CDC73: variants seen among roughly 807,000 people sequenced by gnomAD.
CDC73 encodes the protein cell division cycle 73.
CDC73 carries 21 observed loss-of-function variants against 83.7 expected under a neutral mutation model. The ratio of observed to expected loss-of-function variants is 0.25; its 90% confidence interval spans 0.18 to 0.36. The LOEUF is 0.36. Among genes scored for constraint, CDC73 ranks in the 10% least tolerant of loss-of-function variants. CDC73 has a pLI of 1.00. For synonymous variants in CDC73, 224 were observed against 212.9 expected (o/e 1.05, Z -0.45); for missense variants, 342 against 653.3 (o/e 0.52, Z 5.19).
intron 15 of CDC73, among the ~76,000 whole-genome samples, chr1:193,241,086 T>A (rs1304194892): frequency 6.6e-6 from 1 of 152,218 alleles, no homozygotes; most frequent in African/African-American, 2.4e-5. Flanking sequence ...TTTCTTACTT[T>A]TTCTGTTTCT....
Position 193,251,107 on chromosome 1 carries a change from G to T in CDC73, c.*395G>T. ...TACTGAAAATACTATGTTATGAATG[G>T]TATTAAATTTTAGTCTCTGGAACAT... On this transcript the variant is annotated 3_prime_UTR_variant, in exon 17 of 17. Transcript: ENST00000367435. The T allele has an allele frequency of 3.8e-6, 1 of 259,848 alleles. No homozygotes were observed. Among genetic ancestry groups the T allele is most frequent in the Non-Finnish European group, 7.5e-6 (1 of 134,212 alleles). The allele number at this position is 259,848 out of a possible 1,614,324, so 16.1% of individuals were successfully genotyped here. A position where few individuals can be genotyped will look rare whatever the true frequency, so the allele number is the denominator to read the frequency against.
chr1:193,134,349 CAGTAG>C (rs1675750119), intron 3 of CDC73, among the ~76,000 whole-genome samples: 2 of 152,020 alleles, frequency 1.3e-5, no homozygotes, highest in African/African-American at 2.4e-5. Context: ...TTAGGCCATA[CAGTAG>C]AGTACTCAGT....
chr1:193,169,778 A>G (rs1676489753), intron 10 of CDC73, among the ~76,000 whole-genome samples: 1 of 151,814 alleles, frequency 6.6e-6, no homozygotes, highest in Non-Finnish European at 1.5e-5. Context: ...TCTTAGTGTG[A>G]TCCCTTTTGT....
intron 13 of CDC73, among the ~76,000 whole-genome samples, chr1:193,219,312 C>T (rs984283923): frequency 2.0e-5 from 3 of 152,120 alleles, no homozygotes; most frequent in African/African-American, 7.2e-5. Flanking sequence ...TTTAGTTCAG[C>T]CACCATGGAA....
At chr1:193,249,922 G>C (rs2102073753) in intron 16 of CDC73, 51 bp downstream of exon 16, 1 of 1,584,132 alleles carries the variant, frequency 6.3e-7, no homozygotes, top group Middle Eastern at 1.7e-4. Flanking sequence ...TAATTTTTCT[G>C]TCTCAGTTAA....
chr1:193,142,538 T>A (rs1675923711), intron 7 of CDC73, among the ~76,000 whole-genome samples: 1 of 152,156 alleles, frequency 6.6e-6, no homozygotes, highest in South Asian at 2.1e-4. Flanking sequence ...ATTAGCTCCC[T>A]ATTAATGGAA....
chr1:193,132,031 T>C (rs762795571), intron 3 of CDC73, among the ~76,000 whole-genome samples: 4 of 152,192 alleles, frequency 2.6e-5, no homozygotes, highest in Non-Finnish European at 5.9e-5. Flanking sequence ...TTTACAATAG[T>C]GGTGCATGGT....
rs1675671751 is a variant in CDC73, at chr1:193,130,243, T to C, written c.307T>C (p.Ser103Pro). The C allele has an allele frequency of 6.5e-7, 1 of 1,537,368 alleles. No individual in the cohort carries two copies. The highest frequency in any genetic ancestry group is 9.0e-7 in the Non-Finnish European group (1 of 1,110,674). ...DLLGYLNGEA[S>P]TSASIDRSAP... ...ACTTGGATATCTCAATGGTGAAGCG[T>C]GTGAGTACTTTTTAAATTGTTCCCA... is the stretch of plus-strand genomic sequence containing the variant. The change falls in exon 3 of 17, where the codon TCA (serine) becomes CCA (proline). Residue 103 changes from serine to proline, a missense_variant and splice_region_variant. Physicochemically the swap from Ser to Pro is moderately conservative, Grantham distance 74. Transcript: ENST00000367435.
At chr1:193,242,388 G>A (rs184445554) in intron 15 of CDC73, among the ~76,000 whole-genome samples, 2 of 152,290 alleles carry the variant, frequency 1.3e-5, no homozygotes, top group East Asian at 3.9e-4. Context: ...TGGACCATTA[G>A]GGGTCTCTCA....
chr1:193,231,587 T>C (rs1335335383), intron 13 of CDC73, among the ~76,000 whole-genome samples: 2 of 152,150 alleles, frequency 1.3e-5, no homozygotes, highest in African/African-American at 4.8e-5. Context: ...GATTAATAAA[T>C]AAACCAAATG....
intron 2 of CDC73, 33 bp from the exon 3 acceptor site, chr1:193,130,141 C>G (rs1675669434): frequency 1.1e-6 from 1 of 946,294 alleles, no homozygotes. Context: ...CATTGTTATT[C>G]ATTTCATATC....
At chr1:193,225,269 T>A (rs1677547476) in intron 13 of CDC73, among the ~76,000 whole-genome samples, 1 of 124,946 alleles carries the variant, frequency 8.0e-6, no homozygotes, top group Admixed American at 8.4e-5. Flanking sequence ...TATATATATA[T>A]ATATCCACAT....
At chr1:193,233,263 G>A (rs1677693950) in intron 14 of CDC73, 109 bp downstream of exon 14, 3 of 998,516 alleles carry the variant, frequency 3.0e-6, no homozygotes, top group East Asian at 2.5e-5. Context: ...GTCTCACTAT[G>A]TTGCCTAGGC....
intron 10 of CDC73, chr1:193,178,922 T>A (rs1215837401): frequency 6.6e-6 from 1 of 152,182 alleles, no homozygotes; most frequent in Non-Finnish European, 1.5e-5. Flanking sequence ...AAATTAAGAT[T>A]GACAGATTTA....
intron 10 of CDC73, among the ~76,000 whole-genome samples, chr1:193,169,916 C>T (rs992654146): frequency 1.3e-5 from 2 of 151,952 alleles, no homozygotes; most frequent in Non-Finnish European, 2.9e-5. Context: ...AAGCCTAATA[C>T]CCATTAGTTA....
intron 10 of CDC73, among the ~76,000 whole-genome samples, chr1:193,187,728 T>TGA (rs147047560): frequency 0.059 from 8,957 of 152,242 alleles, 362 homozygotes; most frequent in Non-Finnish European, 0.09. Context: ...TTTTCTCTGA[T>TGA]ATTAAAAAAA....
chr1:193,252,852 ATACT>A lies in CDC73; in HGVS notation c.*2144_*2147del, dbSNP rs1678066521. On this transcript the variant is annotated 3_prime_UTR_variant, in exon 17 of 17. Coordinates refer to ENST00000367435, the MANE Select transcript of CDC73 (RefSeq NM_024529.5). ...CTTGCACATAGTAGGCATTCAGTAA[ATACT>A]TACATGCATGAATGAATAATGTATT... The A allele has an allele frequency of 4.3e-6, 1 of 231,854 alleles. No homozygotes were observed. Among genetic ancestry groups the A allele is most frequent in the Non-Finnish European group, 8.5e-6 (1 of 117,230 alleles). The allele number at this position is 231,854 out of a possible 1,614,324, so 14.4% of individuals were successfully genotyped here. A position where few individuals can be genotyped will look rare whatever the true frequency, so the allele number is the denominator to read the frequency against.
rs1212800254 is a variant in CDC73 at position 193,251,655 on chromosome 1, A to C, written c.*943A>C. 3.0e-5 allele frequency: 7 copies of C among 232,046 alleles called. No homozygotes were observed. 14.4% of individuals were successfully genotyped at this position (232,046 alleles called of 1,614,324 possible). On this transcript the variant is annotated 3_prime_UTR_variant, in exon 17 of 17. Transcript: ENST00000367435. ...TAAACTCCCAGGCACCAAAGAAAAC[A>C]TTTGCTTAATTGTCTGAAAAGAAAC...
chr1:193,226,760 G>C (rs1237370012), intron 13 of CDC73, among the ~76,000 whole-genome samples: 1 of 152,108 alleles, frequency 6.6e-6, no homozygotes, highest in Admixed American at 6.6e-5. Context: ...GTTCATCAGG[G>C]ATGTTGGTCT....
Sources: gnomAD v4.1 joint callset for allele counts (sites outside exome capture counted in the v4.1 genomes callset) on GRCh38, gnomAD v4.1.1 for gene constraint, MANE v1.5 for transcripts, NCBI Gene and HGNC (gene_info 2026-07-23, HGNC 2026-07-21) for gene names.